Variants in NLK observed in about 807,000 individuals in gnomAD.
The protein encoded by NLK is nemo like kinase, also known as serine/threonine-protein kinase NLK.
Under a neutral mutation model 59.0 loss-of-function variants are expected in NLK, and 11 were observed. The observed-to-expected ratio is 0.19, with a 90% CI of 0.12 to 0.31. NLK has a LOEUF of 0.31. Ranked by LOEUF, NLK falls within the 10% of genes least tolerant of loss-of-function variation. NLK has a pLI of 1.00. For missense variants in NLK, 410 were observed against 661.1 expected, an observed-to-expected ratio of 0.62 and a Z score of 4.16; for synonymous variants, 235 against 235.9, an observed-to-expected ratio of 1.00 and a Z score of 0.03.
intron 3 of NLK, among the ~76,000 whole-genome samples, chr17:28,158,233 T>C (rs1419587795): frequency 6.6e-6 from 1 of 152,222 alleles, no homozygotes; most frequent in Non-Finnish European, 1.5e-5. Context: ...TACTGAATAC[T>C]GTAGGCAGCT....
chr17:28,134,016 G>A (rs907773974), intron 3 of NLK, among the ~76,000 whole-genome samples: 3 of 151,936 alleles, frequency 2.0e-5, no homozygotes, highest in Non-Finnish European at 4.4e-5. Context: ...TAAACCAAAA[G>A]CTCTTGAATG....
At chr17:28,044,264 C>T (rs1490569223) in intron 1 of NLK, among the ~76,000 whole-genome samples, 1 of 152,152 alleles carries the variant, frequency 6.6e-6, no homozygotes, top group East Asian at 1.9e-4. Flanking sequence ...AATGATTCCA[C>T]TTTGGATAGA....
rs1597697049 is a variant in NLK, at chr17:28,126,935, T to G, written c.588+4203T>G. Among the ~76,000 whole-genome samples the G allele has an allele frequency of 2.0e-5, 3 of 152,280 alleles. No homozygotes were observed. The South Asian group carries it at 6.2e-4, about 32-fold the overall frequency. ...CAGCAGGGAAAGTGATGATTTAGGT[T>G]TTTTGGATCTTTGAGATGAAAGCTA... On this transcript the variant is annotated intron_variant, in intron 2 of 10. Transcript: ENST00000407008.
intron 3 of NLK, among the ~76,000 whole-genome samples, chr17:28,144,805 T>C (rs1907171955): frequency 6.6e-6 from 1 of 152,172 alleles, no homozygotes; most frequent in Non-Finnish European, 1.5e-5. Flanking sequence ...AGCCACTAAA[T>C]ATATCAGACT....
At chr17:28,178,261 A>G (rs2142062797) in intron 7 of NLK, among the ~76,000 whole-genome samples, 1 of 152,278 alleles carries the variant, frequency 6.6e-6, no homozygotes, top group East Asian at 1.9e-4. Flanking sequence ...GTGCTCAGGA[A>G]GGGTATCATT....
chr17:28,185,180 C>T lies in NLK; in HGVS notation c.1151C>T (p.Pro384Leu). ...AHILRGPHKQPSLPVLYTLSS... is the reference protein window; with the variant it reads ...AHILRGPHKQLSLPVLYTLSS... ...TTTGAATTTTTAATTTTTTCACAGC[C>T]ATCTCTTCCTGTACTCTATACCCTG... The change falls in exon 8 of 11, where the codon CCA becomes CTA. Residue 384 changes from proline (P) to leucine (L), a missense_variant and splice_region_variant. Pro to Leu is a moderately conservative substitution (Grantham distance 98). Transcript: ENST00000407008. 6.4e-7 allele frequency: 1 copy of T among 1,550,536 alleles called. No individual in the cohort carries two copies. The highest frequency in any genetic ancestry group is 8.7e-7 in the Non-Finnish European group (1 of 1,146,872).
chr17:28,048,785 A>G (rs1909148556), intron 1 of NLK: 1 of 152,234 alleles, frequency 6.6e-6, no homozygotes, highest in Non-Finnish European at 1.5e-5. Context: ...TGTCCAAGCA[A>G]TACAAGAATT....
chr17:28,171,971 T>G (rs530751643), intron 6 of NLK, among the ~76,000 whole-genome samples: 2 of 151,626 alleles, frequency 1.3e-5, no homozygotes, highest in Admixed American at 1.3e-4. Context: ...AAATAGGAAC[T>G]AAATAATAGA....
chr17:28,099,640 G>A (rs571524956), intron 1 of NLK, among the ~76,000 whole-genome samples: 32 of 145,282 alleles, frequency 2.2e-4, no homozygotes, highest in Admixed American at 1.8e-3. Flanking sequence ...CTGCAGTGGC[G>A]CAATCTCGGC....
rs548547857 is a variant in NLK, at chr17:28,137,906, C to CT, written c.644+5232dup. Among the ~76,000 whole-genome samples, 996 of 152,122 alleles carry CT rather than the reference C, an allele frequency of 6.5e-3. 17 individuals carry two copies. Among genetic ancestry groups the CT allele is most frequent in the African/African-American group, 0.022 (930 of 41,530 alleles). On this transcript the variant is annotated intron_variant, in intron 3 of 10. Transcript: ENST00000407008. The stretch of plus-strand genomic sequence containing the variant: ...ACTTTTTGTCTTCATAGTTTTTAAT[C>CT]TATCTAGGAAATATATTATTTAATA...
Position 28,194,100 on chromosome 17 carries a change from T to C in NLK, c.1530-482T>C, listed in dbSNP as rs140093119. 7.9e-5 allele frequency among the ~76,000 whole-genome samples: 12 copies of C among 152,366 alleles called. No homozygotes were observed. The East Asian group carries it at 1.2e-3, about 15-fold the overall frequency. On this transcript the variant is annotated intron_variant, in intron 10 of 10. Transcript: ENST00000407008. ...GAATGCTTATAAGGCCCATTCAAAA[T>C]AGGCCACTGTATTTTGAGAGGCTAC...
chr17:28,145,085 A>T lies in NLK; in HGVS notation c.644+12410A>T, dbSNP rs1907189667. ...TGTATCTTTGGCAGTGGGTTTAAAAATTACACGTTTAATTGATAGTTTACA... is the reference window on the plus strand; with the variant it reads ...TGTATCTTTGGCAGTGGGTTTAAAATTTACACGTTTAATTGATAGTTTACA... On this transcript the variant is annotated intron_variant, in intron 3 of 10. Transcript: ENST00000407008. Among the ~76,000 whole-genome samples the T allele has an allele frequency of 2.6e-5, 4 of 152,222 alleles. No homozygotes were observed. In the South Asian group the frequency reaches 8.3e-4, roughly 32 times the overall value.
intron 2 of NLK, among the ~76,000 whole-genome samples, chr17:28,127,043 C>G (rs1906317369): frequency 6.6e-6 from 1 of 152,094 alleles, no homozygotes; most frequent in Non-Finnish European, 1.5e-5. Flanking sequence ...CCATTTAGAG[C>G]CCCCTTAGGG....
chr17:28,128,640 A>T (rs1331882549), intron 2 of NLK, among the ~76,000 whole-genome samples: 1 of 152,204 alleles, frequency 6.6e-6, no homozygotes, highest in Admixed American at 6.5e-5. Context: ...GGCTGAAATT[A>T]AAAAGACTGA....
At chr17:28,055,237 C>G (rs1909401603) in intron 1 of NLK, among the ~76,000 whole-genome samples, 1 of 151,826 alleles carries the variant, frequency 6.6e-6, no homozygotes, top group South Asian at 2.1e-4. Context: ...GGACTACACG[C>G]ACACGCCACC....
chr17:28,157,544 C>G (rs1210974893), intron 3 of NLK, among the ~76,000 whole-genome samples: 1 of 152,102 alleles, frequency 6.6e-6, no homozygotes, highest in Non-Finnish European at 1.5e-5. Flanking sequence ...CCAGGCTGGT[C>G]TCAAACTCCT....
At chr17:28,120,220 G>A (rs1385079268) in intron 1 of NLK, among the ~76,000 whole-genome samples, 1 of 149,674 alleles carries the variant, frequency 6.7e-6, no homozygotes, top group Non-Finnish European at 1.5e-5. Context: ...AATCAGTATT[G>A]CAGATTTGGC....
chr17:28,161,129 C>T (rs981193277), intron 3 of NLK, 31 bp from the exon 4 acceptor site: 3 of 1,255,292 alleles, frequency 2.4e-6, no homozygotes, highest in African/African-American at 1.5e-5. Context: ...GGACTGAATT[C>T]GCCGAACTCT....
intron 9 of NLK, among the ~76,000 whole-genome samples, 151 bp downstream of exon 9, chr17:28,191,370 C>T (rs201983713): frequency 6.6e-6 from 1 of 152,158 alleles, no homozygotes; most frequent in East Asian, 1.9e-4. Context: ...CGGGGCATAA[C>T]AAAGCATATT....
Sources: allele counts gnomAD v4.1 joint callset (sites outside exome capture counted in the v4.1 genomes callset), GRCh38; gene constraint gnomAD v4.1.1; transcripts MANE v1.5; gene names NCBI Gene and HGNC (gene_info 2026-07-23, HGNC 2026-07-21).